PPP2R3B: variants seen among roughly 807,000 people sequenced by gnomAD.
The protein encoded by PPP2R3B is serine/threonine-protein phosphatase 2A regulatory subunit B'' subunit beta.
Under a neutral mutation model 72.9 loss-of-function variants are expected in PPP2R3B, and 68 were observed. The ratio of observed to expected loss-of-function variants is 0.93; its 90% CI spans 0.77 to 1.14. PPP2R3B has a LOEUF of 1.14. Among genes scored for constraint, PPP2R3B ranks in the 50% most tolerant of loss-of-function variants. PPP2R3B has a pLI of 0.00. For missense variants in PPP2R3B, 1,018 were observed against 842.0 expected (o/e 1.21, Z -2.59); for synonymous variants, 466 against 375.8 (o/e 1.24, Z -2.78).
intron 10 of PPP2R3B, among the ~76,000 whole-genome samples, chrX:339,367 G>A (rs1368633228): frequency 5.1e-5 from 6 of 118,594 alleles, no homozygotes; most frequent in African/African-American, 1.7e-4. Context: ...AAGGAAGCCA[G>A]GCGGCGTGGA....
At chrX:349,819 C>A (rs1603063063) in intron 2 of PPP2R3B, among the ~76,000 whole-genome samples, 1 of 152,188 alleles carries the variant, frequency 6.6e-6, no homozygotes, top group African/African-American at 2.4e-5. Context: ...AAGCAAACTG[C>A]AGGGCACGGC....
At chrX:345,695 T>C in intron 6 of PPP2R3B, 23 bp from the exon 7 acceptor site, 4 of 1,587,200 alleles carry the variant, frequency 2.5e-6, no homozygotes, top group Non-Finnish European at 3.4e-6. Flanking sequence ...CCAGGCGGCC[T>C]GAGCGCGGGG....
intron 1 of PPP2R3B, among the ~76,000 whole-genome samples, chrX:384,282 C>CTCTATATA (rs1323012218): frequency 3.8e-4 from 53 of 140,052 alleles, no homozygotes; most frequent in Non-Finnish European, 6.2e-4. Flanking sequence ...CTCTCTCTCT[C>CTCTATATA]TATATATATA....
intron 2 of PPP2R3B, among the ~76,000 whole-genome samples, chrX:353,967 C>CG (rs1157364417): frequency 1.6e-5 from 2 of 128,868 alleles, no homozygotes; most frequent in Admixed American, 7.3e-5. Context: ...ACCCAAAGAC[C>CG]AGGGCTCACC....
At chrX:359,311 C>A (rs1274634439) in intron 2 of PPP2R3B, among the ~76,000 whole-genome samples, 2 of 152,228 alleles carry the variant, frequency 1.3e-5, no homozygotes, top group Non-Finnish European at 2.9e-5. Context: ...AAGGATAAAA[C>A]GCGGAAGCTG....
At chrX:360,633 G>A (rs2071519718) in intron 2 of PPP2R3B, among the ~76,000 whole-genome samples, 1 of 152,232 alleles carries the variant, frequency 6.6e-6, no homozygotes, top group African/African-American at 2.4e-5. Context: ...CTCACCGTGA[G>A]GGGCTCACAT....
intron 1 of PPP2R3B, among the ~76,000 whole-genome samples, chrX:381,981 G>T (rs2072136437): frequency 6.6e-6 from 1 of 152,054 alleles, no homozygotes; most frequent in Non-Finnish European, 1.5e-5. Context: ...TAAGCCATAG[G>T]TTCCAAACAC....
chrX:336,221 T>G (rs2070884953), intron 12 of PPP2R3B: 1 of 152,160 alleles, frequency 6.6e-6, no homozygotes, highest in Non-Finnish European at 1.5e-5. Flanking sequence ...TCCAGTAATA[T>G]GTGAGGATAA....
At chrX:356,061 C>T (rs929658385) in intron 2 of PPP2R3B, among the ~76,000 whole-genome samples, 2 of 152,150 alleles carry the variant, frequency 1.3e-5, no homozygotes, top group African/African-American at 2.4e-5. Context: ...GTGGTCAACA[C>T]GTACATCAGG....
chrX:349,494 C>A (rs1363081281), intron 2 of PPP2R3B, among the ~76,000 whole-genome samples: 1 of 152,168 alleles, frequency 6.6e-6, no homozygotes, highest in Non-Finnish European at 1.5e-5. Context: ...GTGTCACCAC[C>A]AAGGCCGCCT....
At chrX:382,702 C>T (rs1397550331) in intron 1 of PPP2R3B, among the ~76,000 whole-genome samples, 1 of 152,174 alleles carries the variant, frequency 6.6e-6, no homozygotes, top group Non-Finnish European at 1.5e-5. Context: ...CACATGCACC[C>T]AAATGGCCTC....
At chrX:352,727 G>A (rs1382483934) in intron 2 of PPP2R3B, among the ~76,000 whole-genome samples, 3 of 151,890 alleles carry the variant, frequency 2.0e-5, no homozygotes, top group African/African-American at 4.8e-5. Flanking sequence ...AGGGCACGCC[G>A]ACACCAACCG....
intron 2 of PPP2R3B, among the ~76,000 whole-genome samples, chrX:359,006 C>T (rs1044912279): frequency 9.2e-5 from 14 of 152,034 alleles, no homozygotes; most frequent in African/African-American, 2.9e-4. Flanking sequence ...GGCATCGTGG[C>T]GGGGAAGCAC....
intron 1 of PPP2R3B, among the ~76,000 whole-genome samples, chrX:364,104 C>G (rs1439962920): frequency 6.6e-6 from 1 of 152,234 alleles, no homozygotes; most frequent in African/African-American, 2.4e-5. Context: ...GCGGGCTCAC[C>G]CGAAATCTCT....
Position 386,753 on chromosome X carries a change from G to GCCCGC in PPP2R3B, c.-63_-62insGCGGG. The GCCCGC allele has an allele frequency of 9.1e-7, 1 of 1,099,092 alleles. No homozygotes were observed. Among genetic ancestry groups the GCCCGC allele is most frequent in the Non-Finnish European group, 1.1e-6 (1 of 882,850 alleles). The allele number at this position is 1,099,092 out of a possible 1,614,324, so 68.1% of individuals were successfully genotyped here. A position where few individuals can be genotyped will look rare whatever the true frequency, so the allele number is the denominator to read the frequency against. ...CGCCCCGCCCCGCCCCGGGGGCTTC[G>GCCCGC]GTCCGCCCCGGACCGACCTCGGTGA... On this transcript the variant is annotated 5_prime_UTR_variant, in exon 1 of 13. Transcript: ENST00000390665.
In PPP2R3B at chrX:338,886, C is replaced by T. The variant is rs764312763; in HGVS notation, c.1362G>A (p.Thr454=). ...GCTTGCAGCGCTTCAGGTCCTGCAGCGTGATCTTCCCTGCGGGGAGGGGAG... is the reference window on the plus strand; with the variant it reads ...GCTTGCAGCGCTTCAGGTCCTGCAGTGTGATCTTCCCTGCGGGGAGGGGAG... ...LVKPRTEGKI[T]LQDLKRCKLA... is the part of the protein sequence containing the mutation. Residue 454 remains threonine, a synonymous_variant, in exon 11 of 13, where the codon ACG becomes ACA. Transcript: ENST00000390665. The T allele has an allele frequency of 2.7e-5, 43 of 1,612,148 alleles. No homozygotes were observed. Among genetic ancestry groups the T allele is most frequent in the African/African-American group, 6.7e-5 (5 of 74,924 alleles).
At position 374,775 on chromosome X, in the gene PPP2R3B, C is replaced by G. The variant is rs181181168; in HGVS notation, c.324+11593G>C. 4.1e-3 allele frequency among the ~76,000 whole-genome samples: 625 copies of G among 152,280 alleles called. 2 individuals carry two copies. The highest frequency in any genetic ancestry group is 6.4e-3 in the Non-Finnish European group (432 of 68,012). ...GGTCACTATCACCCCGAGTCAACAGCGTGCACTGGGCTCTCCCGCTGCCGC... is the reference window on the plus strand; with the variant it reads ...GGTCACTATCACCCCGAGTCAACAGGGTGCACTGGGCTCTCCCGCTGCCGC... On this transcript the variant is annotated intron_variant, in intron 1 of 12. Coordinates refer to ENST00000390665, the MANE Select transcript of PPP2R3B (RefSeq NM_013239.5).
rs924948400 is a variant in PPP2R3B, at chrX:334,052, C to T, written c.*315G>A. 2.5e-4 allele frequency: 70 copies of T among 285,270 alleles called. No homozygotes were observed. The highest frequency in any genetic ancestry group is 4.0e-4 in the African/African-American group (18 of 45,518). 17.7% of individuals were successfully genotyped at this position (285,270 alleles called of 1,614,324 possible). A position where few individuals can be genotyped will look rare whatever the true frequency, so the allele number is the denominator to read the frequency against. On this transcript the variant is annotated 3_prime_UTR_variant, in exon 13 of 13. Coordinates refer to ENST00000390665, the MANE Select transcript of PPP2R3B (RefSeq NM_013239.5). ...GAGGCGCCCGGGAGCCGCCGGTCAC[C>T]GTTGTGCGCACACGGACCCTTTCCA...
chrX:355,387 G>A lies in PPP2R3B; in HGVS notation c.510+6018C>T, dbSNP rs191609637. ...GAGAGCTGGACCGCGTTCATGAGACGGAAGCCTCAATATGGTCAAGATTCT... is the reference window on the plus strand; with the variant it reads ...GAGAGCTGGACCGCGTTCATGAGACAGAAGCCTCAATATGGTCAAGATTCT... On this transcript the variant is annotated intron_variant, in intron 2 of 12. Coordinates refer to ENST00000390665, the MANE Select transcript of PPP2R3B (RefSeq NM_013239.5). Among the ~76,000 whole-genome samples the A allele has an allele frequency of 2.3e-3, 343 of 152,316 alleles. 1 individual carries two copies. Among genetic ancestry groups the A allele is most frequent in the Middle Eastern group, 0.014 (4 of 294 alleles).
Sources: allele counts gnomAD v4.1 joint callset (sites outside exome capture counted in the v4.1 genomes callset), GRCh38; gene constraint gnomAD v4.1.1; transcripts MANE v1.5; gene names NCBI Gene and HGNC (gene_info 2026-07-23, HGNC 2026-07-21).